Variants in ATXN10 observed in about 807,000 individuals in gnomAD.
ATXN10 encodes the protein ataxin 10.
A neutral mutation model predicts 52.9 loss-of-function variants in ATXN10; 28 were observed. The ratio of observed to expected loss-of-function variants is 0.53; its 90% CI spans 0.39 to 0.73. ATXN10 has a LOEUF of 0.73. Among genes scored for constraint, ATXN10 ranks in the 30% least tolerant of loss-of-function variants. The pLI is 0.00. For synonymous variants in ATXN10, 226 were observed against 221.5 expected (o/e 1.02, Z -0.18); for missense variants, 565 against 577.0 (o/e 0.98, Z 0.21).
chr22:45,714,679 G>C (rs991461556), intron 5 of ATXN10, among the ~76,000 whole-genome samples: 4 of 152,282 alleles, frequency 2.6e-5, no homozygotes, highest in Admixed American at 2.6e-4. Flanking sequence ...ACTGTGTCCA[G>C]CCATATGATA....
rs780339280 is a variant in ATXN10 at position 45,689,721 on chromosome 22, A to G, written c.126A>G (p.Ala42=). ...LFKEQRNRET[A]PRTIFQRVLD... ...TTTTATCCTTTTTCAGAGAAACAGC[A>G]CCCAGGACTATCTTCCAAAGAGTTC... Residue 42 remains alanine (A), a synonymous_variant, in exon 2 of 12, where the codon GCA becomes GCG. Coordinates refer to ENST00000252934, the MANE Select transcript of ATXN10 (RefSeq NM_013236.4). The G allele has an allele frequency of 2.5e-6, 4 of 1,614,038 alleles. No homozygotes were observed. In the East Asian group the frequency reaches 8.9e-5, roughly 36 times the overall value.
rs117037676 is a variant in ATXN10 at position 45,804,979 on chromosome 22, C to T, written c.1174-1980C>T. Among the ~76,000 whole-genome samples, 974 of 152,274 alleles carry T rather than the reference C, an allele frequency of 6.4e-3. 7 individuals carry two copies. The highest frequency in any genetic ancestry group is 0.015 in the South Asian group (71 of 4,818). ...TGGCTACATCTCCTGGCGATCCTCCCGCAGCAGTCCATCAGCAATCTTCTC... is the reference window on the plus strand; with the variant it reads ...TGGCTACATCTCCTGGCGATCCTCCTGCAGCAGTCCATCAGCAATCTTCTC... On this transcript the variant is annotated intron_variant, in intron 9 of 11. Transcript: ENST00000252934.
intron 2 of ATXN10, among the ~76,000 whole-genome samples, chr22:45,691,640 A>G (rs1222349921): frequency 6.6e-6 from 1 of 152,250 alleles, no homozygotes; most frequent in Admixed American, 6.5e-5. Context: ...TCACGCCTGT[A>G]ATCCCAACAC....
chr22:45,676,916 T>C (rs1272935641), intron 1 of ATXN10: 3 of 152,336 alleles, frequency 2.0e-5, no homozygotes, highest in Admixed American at 2.0e-4. Flanking sequence ...TAGCTGGGAC[T>C]ACAGGTGTAC....
Position 45,701,346 on chromosome 22 carries a change from A to G in ATXN10, c.488+968A>G, listed in dbSNP as rs145463217. Among the ~76,000 whole-genome samples the G allele has an allele frequency of 1.9e-3, 297 of 152,322 alleles. 4 individuals are homozygous for G. Among genetic ancestry groups the G allele is most frequent in the Middle Eastern group, 6.8e-3 (2 of 294 alleles). Reference sequence around the variant, plus strand: ...TTGCTGCCATCTGGATCTAAAGCCTATCTATGCTCATTGTAAATACTGTGC... The same window carrying G: ...TTGCTGCCATCTGGATCTAAAGCCTGTCTATGCTCATTGTAAATACTGTGC... On this transcript the variant is annotated intron_variant, in intron 4 of 11. Coordinates refer to ENST00000252934, the MANE Select transcript of ATXN10 (RefSeq NM_013236.4). This position sits in a 1 kb window ranked among gnomAD's most constrained non-coding sequence, Gnocchi z 4.2.
chr22:45,736,307 T>C (rs1293003238), intron 7 of ATXN10, among the ~76,000 whole-genome samples: 1 of 152,166 alleles, frequency 6.6e-6, no homozygotes, highest in Non-Finnish European at 1.5e-5. Context: ...CTCCAACATA[T>C]TTCATCAGTT....
At chr22:45,771,048 A>G (rs1194570827) in intron 9 of ATXN10, among the ~76,000 whole-genome samples, 1 of 152,210 alleles carries the variant, frequency 6.6e-6, no homozygotes, top group Non-Finnish European at 1.5e-5. Flanking sequence ...GCAGCTTCCT[A>G]TAAAATTAAA....
chr22:45,827,233 TAAAAA>T (rs1427335349), intron 10 of ATXN10, among the ~76,000 whole-genome samples: 2 of 147,844 alleles, frequency 1.4e-5, no homozygotes, highest in Non-Finnish European at 3.0e-5. Context: ...GTACAAAAAA[TAAAAA>T]GAAGACAATA....
chr22:45,751,759 AAAAAAAT>A (rs1569049625), intron 9 of ATXN10, among the ~76,000 whole-genome samples: 15 of 58,074 alleles, frequency 2.6e-4, no homozygotes, highest in African/African-American at 8.6e-4. Flanking sequence ...AAAAAATAAA[AAAAAAAT>A]AATAATAATA....
intron 9 of ATXN10, among the ~76,000 whole-genome samples, chr22:45,743,376 C>T (rs1279448367): frequency 1.3e-5 from 2 of 152,198 alleles, no homozygotes; most frequent in Non-Finnish European, 2.9e-5. Context: ...GTTCTTTATT[C>T]TTGTAGCCAA....
rs1431565675 is a variant in ATXN10 at position 45,750,533 on chromosome 22, T to C, written c.1173+9995T>C. Among the ~76,000 whole-genome samples the C allele has an allele frequency of 6.6e-6, 1 of 152,240 alleles. No homozygotes were observed. The highest frequency in any genetic ancestry group is 2.4e-5 in the African/African-American group (1 of 41,464). On this transcript the variant is annotated intron_variant, in intron 9 of 11. Transcript: ENST00000252934. This position sits in a 1 kb window ranked among gnomAD's most constrained non-coding sequence, Gnocchi z 4.2. ...CTGAGAGCTGTACCTTGTTCCTGTATGGAAGTATGGAATATGGGAAAGATA... is the reference window on the plus strand; with the variant it reads ...CTGAGAGCTGTACCTTGTTCCTGTACGGAAGTATGGAATATGGGAAAGATA...
In ATXN10 at chr22:45,816,763, G is replaced by A. The variant is rs189526175; in HGVS notation, c.1237+9741G>A. ...CAGATGTTCTGGCTTGCAGAACCTC[G>A]TGGAGTCTTTATTAGTCACATGTGC... On this transcript the variant is annotated intron_variant, in intron 10 of 11. Coordinates refer to ENST00000252934, the MANE Select transcript of ATXN10 (RefSeq NM_013236.4). This position sits in a 1 kb window ranked among gnomAD's most constrained non-coding sequence, Gnocchi z 5.8. Among the ~76,000 whole-genome samples, 497 of 152,332 alleles carry A rather than the reference G, an allele frequency of 3.3e-3. 2 individuals are homozygous for A. Among genetic ancestry groups the A allele is most frequent in the Non-Finnish European group, 5.3e-3 (360 of 68,026 alleles).
chr22:45,699,753 C>T (rs1007606439), intron 3 of ATXN10, among the ~76,000 whole-genome samples: 1 of 151,680 alleles, frequency 6.6e-6, no homozygotes, highest in Non-Finnish European at 1.5e-5. Context: ...CTCGTCTTCC[C>T]AGAGTGCTGG....
chr22:45,671,880 C>G lies in ATXN10; in HGVS notation c.-184C>G. The G allele has an allele frequency of 1.6e-6, 1 of 622,714 alleles. No individual in the cohort carries two copies. Among genetic ancestry groups the G allele is most frequent in the Admixed American group, 3.2e-5 (1 of 31,486 alleles). The allele number at this position is 622,714 out of a possible 1,614,324, so 38.6% of individuals were successfully genotyped here. On this transcript the variant is annotated 5_prime_UTR_variant, in exon 1 of 12. Coordinates refer to ENST00000252934, the MANE Select transcript of ATXN10 (RefSeq NM_013236.4). The stretch of plus-strand genomic sequence containing the variant: ...AGGCGAGTCTGGGCTCAGCCTAGAG[C>G]TCTCCGGCGGCGGCGCAGCTTCAGG...
chr22:45,693,865 A>G (rs1271683767), intron 3 of ATXN10, among the ~76,000 whole-genome samples: 1 of 152,230 alleles, frequency 6.6e-6, no homozygotes, highest in Non-Finnish European at 1.5e-5. Context: ...AGAAGAAATC[A>G]GCCCTCTCGA....
intron 10 of ATXN10, among the ~76,000 whole-genome samples, chr22:45,836,741 C>T (rs1037661642): frequency 1.3e-5 from 2 of 152,192 alleles, no homozygotes; most frequent in Admixed American, 1.3e-4. Context: ...TGCAATATAA[C>T]GCATTTTGAG....
In ATXN10 at chr22:45,759,420, G is replaced by A. The variant is rs1926297311; in HGVS notation, c.1173+18882G>A. Among the ~76,000 whole-genome samples the A allele has an allele frequency of 6.6e-6, 1 of 152,192 alleles. No homozygotes were observed. The highest frequency in any genetic ancestry group is 1.9e-4 in the East Asian group (1 of 5,192). On this transcript the variant is annotated intron_variant, in intron 9 of 11. Coordinates refer to ENST00000252934, the MANE Select transcript of ATXN10 (RefSeq NM_013236.4). The surrounding 1 kb of genome is among the most constrained non-coding windows in gnomAD (Gnocchi z 5.4). Reference sequence around the variant, plus strand: ...CCAGCTACTCGGGAGGCTGAGGCGGGAGAATCACCTGAACTCGGGAGGCAG... The same window carrying A: ...CCAGCTACTCGGGAGGCTGAGGCGGAAGAATCACCTGAACTCGGGAGGCAG...
At chr22:45,793,717 G>T (rs1927602091) in intron 9 of ATXN10, 2 of 1,471,910 alleles carry the variant, frequency 1.4e-6, no homozygotes, top group Non-Finnish European at 1.8e-6. Flanking sequence ...AGGCCCTCTT[G>T]CCTGCTACTG....
At chr22:45,815,830 A>G (rs1299911164) in intron 10 of ATXN10, among the ~76,000 whole-genome samples, 2 of 152,210 alleles carry the variant, frequency 1.3e-5, no homozygotes, top group Non-Finnish European at 2.9e-5. Context: ...CATCCATGTA[A>G]AGGATGAATG....
Sources: allele counts gnomAD v4.1 joint callset (sites outside exome capture counted in the v4.1 genomes callset), GRCh38; gene constraint gnomAD v4.1.1; non-coding constraint Gnocchi (gnomAD v3.1); transcripts MANE v1.5; gene names NCBI Gene and HGNC (gene_info 2026-07-23, HGNC 2026-07-21).